INSL6: variants seen among roughly 807,000 people sequenced by gnomAD.
INSL6 encodes the protein insulin-like peptide INSL6.
A neutral mutation model predicts 9.4 loss-of-function variants in INSL6; 16 were observed. The observed-to-expected ratio is 1.70, with a 90% confidence interval of 1.15 to 2.59. The LOEUF (loss-of-function observed/expected upper bound fraction) is 2.59. Ranked by LOEUF, INSL6 falls within the 30% of genes most tolerant of loss-of-function variation. INSL6 has a pLI of 0.00. For synonymous variants in INSL6, 154 were observed against 96.9 expected, an observed-to-expected ratio of 1.59 and a Z score of -3.46; for missense variants, 391 against 257.3, an observed-to-expected ratio of 1.52 and a Z score of -3.56.
the INSL6 span, chr9:5,085,334 C>T: frequency 4.6e-6 from 4 of 861,564 alleles, no homozygotes; most frequent in South Asian, 5.2e-5. Flanking sequence ...AGCTGAAAAG[C>T]TATTCCTACA....
the INSL6 span, chr9:5,111,340 AG>A: frequency 2.4e-6 from 1 of 424,508 alleles, no homozygotes; most frequent in African/African-American, 2.1e-5. Flanking sequence ...TCAGGCATGA[AG>A]GGGACCTCCC....
At chr9:5,181,549 C>G (rs545945718) in intron 1 of INSL6, among the ~76,000 whole-genome samples, 16 of 151,650 alleles carry the variant, frequency 1.1e-4, no homozygotes, top group Non-Finnish European at 2.2e-4. Context: ...AAAAGTAAAA[C>G]TGAAAAGTTA....
At chr9:5,003,842 C>A in the INSL6 span, among the ~76,000 whole-genome samples, 10 of 143,376 alleles carry the variant, frequency 7.0e-5, no homozygotes, top group African/African-American at 2.5e-4. Context: ...TTTACTGTTA[C>A]CCTTTATCAG....
the INSL6 span, among the ~76,000 whole-genome samples, chr9:4,992,507 T>C: frequency 2.0e-5 from 3 of 152,150 alleles, no homozygotes; most frequent in Non-Finnish European, 2.9e-5. Flanking sequence ...ACTATTGCCA[T>C]AGTTTGCCAT....
chr9:5,021,171 A>G, the INSL6 span, among the ~76,000 whole-genome samples: 1 of 151,754 alleles, frequency 6.6e-6, no homozygotes, highest in Non-Finnish European at 1.5e-5. Context: ...AGGCTGCCCC[A>G]CTTCCCTCTC....
At chr9:5,066,700 C>G in the INSL6 span, 1 of 1,606,488 alleles carries the variant, frequency 6.2e-7, no homozygotes, top group Non-Finnish European at 8.5e-7. Context: ...CATTAGTAAA[C>G]TGAAGAAAGC....
rs565366264 is a variant in INSL6 at position 5,177,203 on chromosome 9, T to C, written c.289+8111A>G. 2.9e-3 allele frequency among the ~76,000 whole-genome samples: 448 copies of C among 152,200 alleles called. 1 individual carries two copies. The highest frequency in any genetic ancestry group is 0.01 in the African/African-American group (434 of 41,540). Reference sequence around the variant, plus strand: ...TCCAGGTTCTCACATTGGGACTGACTAGGCAAACAACTTGATCCAGAGAGA... The same window carrying C: ...TCCAGGTTCTCACATTGGGACTGACCAGGCAAACAACTTGATCCAGAGAGA... On this transcript the variant is annotated intron_variant, in intron 1 of 1. Coordinates refer to ENST00000381641, the MANE Select transcript of INSL6 (RefSeq NM_007179.3).
the INSL6 span, among the ~76,000 whole-genome samples, chr9:5,074,134 G>T: frequency 6.6e-6 from 1 of 151,980 alleles, no homozygotes; most frequent in African/African-American, 2.4e-5. Flanking sequence ...GAATTATGAA[G>T]ACAAAGCATA....
chr9:5,142,151 A>G (rs1824513378), intron 2 of INSL6, among the ~76,000 whole-genome samples: 1 of 152,224 alleles, frequency 6.6e-6, no homozygotes, highest in Admixed American at 6.5e-5. Context: ...GGGTAGCATG[A>G]TGCCTCCAGC....
At chr9:5,085,638 AC>A in the INSL6 span, 1 of 714,988 alleles carries the variant, frequency 1.4e-6, no homozygotes, top group Non-Finnish European at 2.6e-6. Context: ...CCTTCTTTTC[AC>A]CCCAGATCTT....
chr9:5,125,298 G>A (rs895825459), intron 3 of INSL6, among the ~76,000 whole-genome samples: 5 of 151,024 alleles, frequency 3.3e-5, no homozygotes, highest in African/African-American at 9.7e-5. Context: ...ATACTGTGCA[G>A]TTTGCTCTCC....
the INSL6 span, among the ~76,000 whole-genome samples, chr9:5,005,818 T>A: frequency 6.6e-6 from 1 of 152,192 alleles, no homozygotes; most frequent in Non-Finnish European, 1.5e-5. Flanking sequence ...TTAAATGGTA[T>A]ATTCTGAGGG....
At chr9:5,031,980 C>T in the INSL6 span, among the ~76,000 whole-genome samples, 17 of 152,342 alleles carry the variant, frequency 1.1e-4, no homozygotes, top group South Asian at 8.3e-4. Flanking sequence ...ACCCGGGAAG[C>T]GCAAAGGGTC....
At chr9:5,163,214 C>G (rs917470797), downstream of INSL6, among the ~76,000 whole-genome samples, 1 of 152,152 alleles carries the variant, frequency 6.6e-6, no homozygotes, top group Non-Finnish European at 1.5e-5. Flanking sequence ...TAACAAGTTC[C>G]CACGTGATGC....
the INSL6 span, chr9:5,072,462 ATTCTT>A: frequency 1.3e-6 from 2 of 1,488,180 alleles, no homozygotes; most frequent in South Asian, 1.4e-5. Flanking sequence ...ATCTTTACTC[ATTCTT>A]TTCTTTTACC....
chr9:5,073,585 T>C, the INSL6 span: 2 of 789,054 alleles, frequency 2.5e-6, no homozygotes, highest in South Asian at 3.1e-5. Context: ...TCCTCATCTA[T>C]AGTCATGCTG....
chr9:5,140,123 C>T (rs1453122482), intron 2 of INSL6, among the ~76,000 whole-genome samples: 3 of 152,138 alleles, frequency 2.0e-5, no homozygotes, highest in Non-Finnish European at 4.4e-5. Context: ...ATTAGTTATG[C>T]ATTTAGGAAA....
intron 3 of INSL6, chr9:5,128,193 G>GTATGT (rs1457607584): frequency 4.4e-6 from 1 of 229,546 alleles, no homozygotes; most frequent in Non-Finnish European, 8.6e-6. Context: ...ATTTTTACTG[G>GTATGT]TATGTTCTAC....
the INSL6 span, among the ~76,000 whole-genome samples, chr9:5,010,793 A>G: frequency 6.6e-6 from 1 of 152,086 alleles, no homozygotes; most frequent in African/African-American, 2.4e-5. Flanking sequence ...TTTGTTGGTG[A>G]TGTACTCTCT....
Sources: gnomAD v4.1 joint callset for allele counts (sites outside exome capture counted in the v4.1 genomes callset) on GRCh38, gnomAD v4.1.1 for gene constraint, MANE v1.5 for transcripts, NCBI Gene and HGNC (gene_info 2026-07-23, HGNC 2026-07-21) for gene names.